ARHGAP15: variants seen among roughly 807,000 people sequenced by gnomAD.
ARHGAP15 encodes Rho GTPase activating protein 15.
ARHGAP15 carries 51 observed loss-of-function variants against 63.7 expected under a neutral mutation model. That is an observed-to-expected ratio of 0.80 (90% CI 0.64 to 1.01). The LOEUF (loss-of-function observed/expected upper bound fraction) is 1.01. Among genes scored for constraint, ARHGAP15 ranks in the 50% least tolerant of loss-of-function variants. ARHGAP15 has a pLI of 0.00. For missense variants in ARHGAP15, 560 were observed against 564.6 expected, an observed-to-expected ratio of 0.99 and a Z score of 0.08; for synonymous variants, 191 against 193.8, an observed-to-expected ratio of 0.99 and a Z score of 0.12.
chr2:143,685,200 G>A (rs569230618), intron 12 of ARHGAP15, among the ~76,000 whole-genome samples: 1 of 152,220 alleles, frequency 6.6e-6, no homozygotes, highest in Non-Finnish European at 1.5e-5. Context: ...GTGACCATGG[G>A]GGAGGCCTAA....
intron 6 of ARHGAP15, among the ~76,000 whole-genome samples, chr2:143,288,615 C>T (rs527488805): frequency 1.6e-5 from 2 of 122,674 alleles, no homozygotes; most frequent in Non-Finnish European, 3.4e-5. Flanking sequence ...TTAGATTCCT[C>T]GGGACACTTT....
rs1175995548 is a variant in ARHGAP15 at position 143,153,777 on chromosome 2, A to ATCTTCT, written c.-14-1637_-14-1632dup. On this transcript the variant is annotated intron_variant, in intron 1 of 13. Transcript: ENST00000295095. ...TTATATAAATGAAATTATATAATAA[A>ATCTTCT]TCTTCTTCTTCTTCTTCTTCTTCTT... is the stretch of plus-strand genomic sequence containing the variant. Among the ~76,000 whole-genome samples, 374 of 85,228 alleles carry ATCTTCT rather than the reference A, an allele frequency of 4.4e-3. 11 individuals are homozygous for ATCTTCT. The highest frequency in any genetic ancestry group is 0.014 in the African/African-American group (313 of 23,164). 55.9% of individuals were successfully genotyped at this position (85,228 alleles called of 152,430 possible).
chr2:143,163,900 A>G (rs983852222), intron 2 of ARHGAP15, among the ~76,000 whole-genome samples: 1 of 152,028 alleles, frequency 6.6e-6, no homozygotes, highest in Non-Finnish European at 1.5e-5. Context: ...AGAATCACAC[A>G]ATTACTTTGC....
At chr2:143,746,997 T>G (rs778684238) in intron 13 of ARHGAP15, among the ~76,000 whole-genome samples, 8 of 152,020 alleles carry the variant, frequency 5.3e-5, no homozygotes, top group Non-Finnish European at 1.0e-4. Flanking sequence ...CTTTATCATC[T>G]TTTAACTTTT....
intron 8 of ARHGAP15, among the ~76,000 whole-genome samples, chr2:143,484,427 G>C (rs533678244): frequency 6.6e-6 from 1 of 152,140 alleles, no homozygotes; most frequent in South Asian, 2.1e-4. Context: ...AGCTACTCGG[G>C]AGGCTGAGGC....
chr2:143,519,234 T>C (rs750586017), intron 9 of ARHGAP15, 32 bp from the exon 10 acceptor site: 1 of 1,508,102 alleles, frequency 6.6e-7, no homozygotes, highest in Non-Finnish European at 9.2e-7. Flanking sequence ...AAGCTTGGAT[T>C]TTAATGAAGC....
At chr2:143,678,474 C>G (rs965564954) in intron 12 of ARHGAP15, among the ~76,000 whole-genome samples, 2 of 152,184 alleles carry the variant, frequency 1.3e-5, no homozygotes, top group African/African-American at 2.4e-5. Flanking sequence ...GTGATGCCAA[C>G]AGTTCCAACC....
At chr2:143,561,499 T>C (rs1488945353) in intron 11 of ARHGAP15, among the ~76,000 whole-genome samples, 1 of 146,132 alleles carries the variant, frequency 6.8e-6, no homozygotes, top group Non-Finnish European at 1.5e-5. Context: ...TAGACATGTT[T>C]TTCTTTTTTC....
At chr2:143,594,778 C>A (rs1398565137) in intron 11 of ARHGAP15, among the ~76,000 whole-genome samples, 1 of 152,102 alleles carries the variant, frequency 6.6e-6, no homozygotes, top group East Asian at 1.9e-4. Context: ...ATGTTGATTG[C>A]TGGTGGAGCA....
intron 5 of ARHGAP15, among the ~76,000 whole-genome samples, chr2:143,233,144 G>A (rs1341853185): frequency 1.3e-5 from 2 of 151,710 alleles, no homozygotes; most frequent in Admixed American, 1.3e-4. Context: ...TCTCTTTTAT[G>A]GAGTCAATGT....
intron 10 of ARHGAP15, among the ~76,000 whole-genome samples, chr2:143,541,890 ACT>A (rs1402484367): frequency 6.6e-6 from 1 of 151,906 alleles, no homozygotes; most frequent in African/African-American, 2.4e-5. Flanking sequence ...GCGAACCACT[ACT>A]CTCTTCACAG....
chr2:143,439,421 T>A (rs1280569970), intron 8 of ARHGAP15, among the ~76,000 whole-genome samples: 2 of 1,650 alleles, frequency 1.2e-3, no homozygotes, highest in African/African-American at 1.5e-3. Flanking sequence ...AGACTCTGTC[T>A]CAAAAAAAAA....
intron 6 of ARHGAP15, among the ~76,000 whole-genome samples, chr2:143,308,639 A>T (rs1683291789): frequency 6.6e-6 from 1 of 152,098 alleles, no homozygotes; most frequent in Non-Finnish European, 1.5e-5. Context: ...CATCCCTGGT[A>T]ACCTGTCATG....
chr2:143,565,020 A>G (rs938588206), intron 11 of ARHGAP15, among the ~76,000 whole-genome samples: 1 of 152,206 alleles, frequency 6.6e-6, no homozygotes. Flanking sequence ...GACCCTCATA[A>G]AAGTTTTCGA....
At chr2:143,464,281 AATT>A (rs1691097855) in intron 8 of ARHGAP15, among the ~76,000 whole-genome samples, 1 of 152,194 alleles carries the variant, frequency 6.6e-6, no homozygotes. Context: ...CAAGGTCAAT[AATT>A]CTTTATTCCA....
At chr2:143,532,568 C>A (rs560370962) in intron 10 of ARHGAP15, among the ~76,000 whole-genome samples, 1 of 152,202 alleles carries the variant, frequency 6.6e-6, no homozygotes, top group South Asian at 2.1e-4. Context: ...ATTAGGATAG[C>A]AAGTGACTTA....
chr2:143,419,678 A>G (rs1156731791), intron 6 of ARHGAP15, among the ~76,000 whole-genome samples: 7 of 152,014 alleles, frequency 4.6e-5, no homozygotes, highest in Non-Finnish European at 1.0e-4. Context: ...ATATGTATAT[A>G]AACATAACAT....
chr2:143,761,860 G>A (rs1686770984), intron 13 of ARHGAP15, among the ~76,000 whole-genome samples: 1 of 151,934 alleles, frequency 6.6e-6, no homozygotes. Context: ...TTTTTTTAAT[G>A]CTGTAAACTG....
chr2:143,242,876 C>G (rs1172680466), intron 5 of ARHGAP15, among the ~76,000 whole-genome samples: 1 of 152,142 alleles, frequency 6.6e-6, no homozygotes, highest in East Asian at 1.9e-4. Context: ...AGAATCAAAA[C>G]CAGTTATGTG....
Sources: gnomAD v4.1 joint callset for allele counts (sites outside exome capture counted in the v4.1 genomes callset) on GRCh38, gnomAD v4.1.1 for gene constraint, MANE v1.5 for transcripts, NCBI Gene and HGNC (gene_info 2026-07-23, HGNC 2026-07-21) for gene names.